Variants in NR3C2 observed in about 807,000 individuals in gnomAD.
NR3C2 encodes the protein nuclear receptor subfamily 3 group C member 2, also known as mineralocorticoid receptor.
A neutral mutation model predicts 86.4 loss-of-function variants in NR3C2; 15 were observed. The ratio of observed to expected loss-of-function variants is 0.17; its 90% CI spans 0.12 to 0.27. The LOEUF (loss-of-function observed/expected upper bound fraction) is 0.27, where lower values mean the gene tolerates loss of function less well. Ranked by LOEUF, NR3C2 falls within the 10% of genes least tolerant of loss-of-function variation. The pLI, the probability that NR3C2 is intolerant of heterozygous loss-of-function variation, is 1.00. For synonymous variants in NR3C2, 458 were observed against 450.5 expected (o/e 1.02, Z -0.21); for missense variants, 960 against 1,195.6 (o/e 0.80, Z 2.91).
At chr4:148,216,489 G>A (rs1321747437) in intron 3 of NR3C2, among the ~76,000 whole-genome samples, 2 of 152,126 alleles carry the variant, frequency 1.3e-5, no homozygotes, top group Non-Finnish European at 2.9e-5. Context: ...GTAAATGAAA[G>A]AGCCAAGATT....
intron 4 of NR3C2, among the ~76,000 whole-genome samples, chr4:148,188,452 T>C (rs1736039225): frequency 6.6e-6 from 1 of 152,152 alleles, no homozygotes; most frequent in South Asian, 2.1e-4. Flanking sequence ...ACTCCTTTCT[T>C]AGGTATATTC....
chr4:148,319,729 T>C (rs1743449034), intron 2 of NR3C2, among the ~76,000 whole-genome samples: 1 of 151,108 alleles, frequency 6.6e-6, no homozygotes, highest in African/African-American at 2.5e-5. Context: ...ATTGATTTTG[T>C]ATCCTGAGAC....
At chr4:148,213,976 A>G (rs1458322867) in intron 3 of NR3C2, among the ~76,000 whole-genome samples, 1 of 152,234 alleles carries the variant, frequency 6.6e-6, no homozygotes, top group Non-Finnish European at 1.5e-5. Context: ...CTTCTTATGG[A>G]AGAAAATACA....
At chr4:148,323,430 T>C (rs1033679110) in intron 2 of NR3C2, among the ~76,000 whole-genome samples, 39 of 145,014 alleles carry the variant, frequency 2.7e-4, no homozygotes, top group African/African-American at 9.9e-4. Flanking sequence ...CCTGGCTGCT[T>C]TGTTTACCTA....
chr4:148,226,270 C>T (rs534471263), intron 3 of NR3C2, among the ~76,000 whole-genome samples: 1 of 152,126 alleles, frequency 6.6e-6, no homozygotes, highest in Non-Finnish European at 1.5e-5. Context: ...TGTGCTCTCT[C>T]CAGCCAATCC....
intron 3 of NR3C2, among the ~76,000 whole-genome samples, chr4:148,249,616 A>C (rs1205074437): frequency 6.6e-6 from 1 of 152,240 alleles, no homozygotes; most frequent in East Asian, 1.9e-4. Flanking sequence ...TAAAGGCTCT[A>C]GTAAAGACAT....
chr4:148,104,284 A>G (rs1487096441), intron 8 of NR3C2, among the ~76,000 whole-genome samples: 1 of 144,432 alleles, frequency 6.9e-6, no homozygotes, highest in Non-Finnish European at 1.5e-5. Flanking sequence ...CTTTACACCT[A>G]TGAAGATGTC....
chr4:148,299,189 A>C (rs1322054446), intron 2 of NR3C2, among the ~76,000 whole-genome samples: 1 of 152,170 alleles, frequency 6.6e-6, no homozygotes, highest in African/African-American at 2.4e-5. Context: ...GTTGTGACAC[A>C]AGAACCTAGA....
chr4:148,403,918 G>A (rs1748286943), intron 2 of NR3C2, among the ~76,000 whole-genome samples: 1 of 151,994 alleles, frequency 6.6e-6, no homozygotes, highest in South Asian at 2.1e-4. Flanking sequence ...GTGATAATTT[G>A]TTAAATATGT....
chr4:148,382,311 T>C (rs555171385), intron 2 of NR3C2, among the ~76,000 whole-genome samples: 1 of 152,330 alleles, frequency 6.6e-6, no homozygotes, highest in South Asian at 2.1e-4. Context: ...TGCCAAACCC[T>C]GAACTAGGAG....
At chr4:148,222,104 G>A (rs1196986073) in intron 3 of NR3C2, among the ~76,000 whole-genome samples, 1 of 151,954 alleles carries the variant, frequency 6.6e-6, no homozygotes, top group East Asian at 1.9e-4. Context: ...GACTGTTATT[G>A]ACACCAAAGC....
At chr4:148,428,277 T>C (rs564996244) in intron 2 of NR3C2, among the ~76,000 whole-genome samples, 1 of 152,278 alleles carries the variant, frequency 6.6e-6, no homozygotes, top group African/African-American at 2.4e-5. Flanking sequence ...GGGGAGACCA[T>C]GATATTCCTG....
intron 6 of NR3C2, among the ~76,000 whole-genome samples, chr4:148,132,106 G>C (rs1560937668): frequency 6.6e-6 from 1 of 152,122 alleles, no homozygotes; most frequent in African/African-American, 2.4e-5. Flanking sequence ...AGGGTACAAG[G>C]ATATATGTCT....
intron 2 of NR3C2, among the ~76,000 whole-genome samples, chr4:148,352,736 C>A (rs1745355834): frequency 1.3e-5 from 2 of 152,120 alleles, no homozygotes; most frequent in Admixed American, 1.3e-4. Flanking sequence ...GTTTTAAAAT[C>A]ATATTTTAAT....
intron 2 of NR3C2, among the ~76,000 whole-genome samples, chr4:148,371,614 G>C (rs1413220456): frequency 2.2e-5 from 3 of 139,310 alleles, no homozygotes; most frequent in Non-Finnish European, 3.1e-5. Flanking sequence ...TAATTCACTA[G>C]AAGAGAAAAA....
At chr4:148,351,274 T>C (rs1032017097) in intron 2 of NR3C2, among the ~76,000 whole-genome samples, 15 of 152,084 alleles carry the variant, frequency 9.9e-5, no homozygotes, top group African/African-American at 3.1e-4. Context: ...GCCTCCCAAG[T>C]AGCTGGGATT....
intron 2 of NR3C2, among the ~76,000 whole-genome samples, chr4:148,402,633 G>T (rs572005911): frequency 6.6e-6 from 1 of 152,134 alleles, no homozygotes; most frequent in Non-Finnish European, 1.5e-5. Context: ...CACAACAATC[G>T]CTATATAAGT....
chr4:148,081,989 T>C (rs1320319039), intron 8 of NR3C2, among the ~76,000 whole-genome samples: 1 of 152,098 alleles, frequency 6.6e-6, no homozygotes, highest in African/African-American at 2.4e-5. Flanking sequence ...GGTGTTCCCC[T>C]AACTGGGCCC....
rs533813317 is a variant in NR3C2, at chr4:148,427,933, A to G, written c.1757+7171T>C. Among the ~76,000 whole-genome samples, 4 of 152,328 alleles carry G rather than the reference A, an allele frequency of 2.6e-5. No homozygotes were observed. The South Asian group carries it at 8.3e-4, about 32-fold the overall frequency. ...TAACTCACTTCACAAAACAAAAAAC[A>G]ATGACGCCATGCTGATATACATAAA... On this transcript the variant is annotated intron_variant, in intron 2 of 8. Coordinates refer to ENST00000358102, the MANE Select transcript of NR3C2 (RefSeq NM_000901.5).
Sources: allele counts gnomAD v4.1 joint callset (sites outside exome capture counted in the v4.1 genomes callset), GRCh38; gene constraint gnomAD v4.1.1; transcripts MANE v1.5; gene names NCBI Gene and HGNC (gene_info 2026-07-23, HGNC 2026-07-21).